GPR155: variants seen among roughly 807,000 people sequenced by gnomAD.
The protein encoded by GPR155 is G protein-coupled receptor 155, also known as lysosomal cholesterol signaling protein.
A neutral mutation model predicts 93.1 loss-of-function variants in GPR155; 65 were observed. The observed-to-expected ratio is 0.70, with a 90% CI of 0.57 to 0.86. The LOEUF is 0.86. Ranked by LOEUF, GPR155 falls within the 40% of genes least tolerant of loss-of-function variation. The probability of loss-of-function intolerance (pLI) is 0.00; values close to 1 mark genes in which losing one functional copy is unlikely to be tolerated. For missense variants in GPR155, 838 were observed against 1,034.8 expected, an observed-to-expected ratio of 0.81 and a Z score of 2.61; for synonymous variants, 319 against 360.1, an observed-to-expected ratio of 0.89 and a Z score of 1.29.
At chr2:174,455,701 ACAG>A (rs1687496189) in intron 10 of GPR155, among the ~76,000 whole-genome samples, 1 of 152,194 alleles carries the variant, frequency 6.6e-6, no homozygotes, top group Non-Finnish European at 1.5e-5. Flanking sequence ...TCAAGGGGAA[ACAG>A]CAGAGATGTT....
At chr2:174,464,139 G>A (rs866625789) in intron 7 of GPR155, among the ~76,000 whole-genome samples, 3 of 152,196 alleles carry the variant, frequency 2.0e-5, no homozygotes, top group Admixed American at 6.5e-5. Context: ...GAGAGCTCCT[G>A]CCTAAATCAG....
At chr2:174,448,433 T>C (rs1366037450) in intron 11 of GPR155, among the ~76,000 whole-genome samples, 2 of 151,920 alleles carry the variant, frequency 1.3e-5, no homozygotes, top group African/African-American at 2.4e-5. Context: ...GAAACACCAT[T>C]CTGGACATCG....
intron 2 of GPR155, 36 bp from the exon 3 acceptor site, chr2:174,473,400 C>T (rs1440220274): frequency 7.8e-7 from 1 of 1,287,590 alleles, no homozygotes; most frequent in Admixed American, 2.2e-5. Context: ...AAATGATGAC[C>T]ACAGAAATAC....
At chr2:174,455,269 C>T (rs2105698295) in intron 10 of GPR155, among the ~76,000 whole-genome samples, 1 of 152,266 alleles carries the variant, frequency 6.6e-6, no homozygotes, top group East Asian at 1.9e-4. Flanking sequence ...GTTTTAAAGG[C>T]CCTGAAGAGA....
chr2:174,435,898 T>C lies in GPR155; in HGVS notation c.*218A>G. The C allele has an allele frequency of 1.9e-6, 1 of 518,674 alleles. No individual in the cohort carries two copies. Among genetic ancestry groups the C allele is most frequent in the Non-Finnish European group, 3.4e-6 (1 of 292,514 alleles). 32.1% of individuals were successfully genotyped at this position (518,674 alleles called of 1,614,324 possible). A position where few individuals can be genotyped will look rare whatever the true frequency, so the allele number is the denominator to read the frequency against. The stretch of plus-strand genomic sequence containing the variant: ...ATTCATTATCAGAACTTTAATTTGG[T>C]TTTCTCTTTTTCCTAAGTCAGCTTC... On this transcript the variant is annotated 3_prime_UTR_variant, in exon 16 of 16. Coordinates refer to ENST00000392552, the MANE Select transcript of GPR155 (RefSeq NM_152529.7).
chr2:174,445,511 A>G (rs1365238493), intron 12 of GPR155: 1 of 169,006 alleles, frequency 5.9e-6, no homozygotes, highest in Non-Finnish European at 1.3e-5. Context: ...AAACAATTAC[A>G]TCACTAAGCA....
chr2:174,473,338 G>C lies in GPR155; in HGVS notation c.487C>G (p.Pro163Ala). 1 of 1,590,248 alleles carries C rather than the reference G, an allele frequency of 6.3e-7. No individual in the cohort carries two copies. The highest frequency in any genetic ancestry group is 8.6e-7 in the Non-Finnish European group (1 of 1,169,588). ...IVEALYQTTYPEYLQYIYLVA... is the reference protein window; with the variant it reads ...IVEALYQTTYAEYLQYIYLVA... ...AAATAAATGTACTGGAGATATTCTG[G>C]GTATGTAGTTTGATATAAAGCTTCA... The change falls in exon 3 of 16, where the codon CCA becomes GCA. Residue 163 changes from proline to alanine, a missense_variant. Transcript: ENST00000392552.
At chr2:174,485,621 T>C in intron 1 of GPR155, among the ~76,000 whole-genome samples, 1 of 145,890 alleles carries the variant, frequency 6.9e-6, no homozygotes, top group South Asian at 2.2e-4. Flanking sequence ...AAAAAAGCAA[T>C]CTGCCCCTCC....
At chr2:174,462,542 C>T (rs1407682332) in intron 7 of GPR155, among the ~76,000 whole-genome samples, 1 of 152,214 alleles carries the variant, frequency 6.6e-6, no homozygotes, top group Non-Finnish European at 1.5e-5. Flanking sequence ...CTGCTGGCCT[C>T]AAGTGATCCA....
rs1468972571 is a variant in GPR155 at position 174,470,398 on chromosome 2, C to A, written c.1018G>T (p.Val340Leu). The A allele has an allele frequency of 6.2e-7, 1 of 1,611,980 alleles. No homozygotes were observed. The change falls in exon 4 of 16, where the codon GTA (valine) becomes TTA (leucine). Residue 340 changes from valine (V) to leucine (L), a missense_variant. Val to Leu is a conservative substitution (Grantham distance 32). Coordinates refer to ENST00000392552, the MANE Select transcript of GPR155 (RefSeq NM_152529.7). ...AIFATQFNME[V>L]EIITSGMVIS... ...AAGTACTATATACATACAATTTCTA[C>A]TTCCATGTTGAATTGTGTTGCAAAG...
chr2:174,436,434 T>G lies in GPR155; in HGVS notation c.2313-18A>C. Reference sequence around the variant, plus strand: ...CACCACACCTGTGTCAAAGGAATGATTCACCCATATTTTCTGTAAATCTGG... The same window carrying G: ...CACCACACCTGTGTCAAAGGAATGAGTCACCCATATTTTCTGTAAATCTGG... On this transcript the variant is annotated intron_variant, in intron 15 of 15. Transcript: ENST00000392552. 1 of 1,611,678 alleles carries G rather than the reference T, an allele frequency of 6.2e-7. No individual in the cohort carries two copies. The highest frequency in any genetic ancestry group is 8.5e-7 in the Non-Finnish European group (1 of 1,178,296).
intron 3 of GPR155, among the ~76,000 whole-genome samples, chr2:174,472,377 G>A (rs1255253871): frequency 2.0e-5 from 3 of 152,182 alleles, no homozygotes; most frequent in African/African-American, 7.2e-5. Flanking sequence ...CTGCACTCCA[G>A]TCTAGTTGAC....
At chr2:174,474,801 C>A (rs1688095749) in intron 2 of GPR155, among the ~76,000 whole-genome samples, 1 of 151,942 alleles carries the variant, frequency 6.6e-6, no homozygotes, top group Non-Finnish European at 1.5e-5. Context: ...GGGTTGGTGA[C>A]CTAGTCTTTA....
chr2:174,451,533 G>C (rs1687321282), intron 11 of GPR155, among the ~76,000 whole-genome samples: 1 of 152,050 alleles, frequency 6.6e-6, no homozygotes, highest in Non-Finnish European at 1.5e-5. Context: ...TTTAGGCTTA[G>C]GGATGGCACT....
At chr2:174,455,916 C>T (rs556496078) in intron 10 of GPR155, among the ~76,000 whole-genome samples, 1 of 152,250 alleles carries the variant, frequency 6.6e-6, no homozygotes, top group South Asian at 2.1e-4. Context: ...TCTTGGCTCA[C>T]TGCAACCTCT....
intron 3 of GPR155, among the ~76,000 whole-genome samples, chr2:174,471,872 T>A (rs1688008684): frequency 6.6e-6 from 1 of 152,232 alleles, no homozygotes; most frequent in Admixed American, 6.5e-5. Flanking sequence ...TAATACTTTG[T>A]TTCTGAAGAG....
intron 11 of GPR155, among the ~76,000 whole-genome samples, chr2:174,448,032 CCT>C (rs903498181): frequency 4.6e-5 from 7 of 151,894 alleles, no homozygotes; most frequent in Non-Finnish European, 8.8e-5. Flanking sequence ...TGCCTTAACC[CCT>C]GCCTTTCACC....
At chr2:174,482,390 T>C (rs1327145268) in intron 1 of GPR155, among the ~76,000 whole-genome samples, 2 of 152,184 alleles carry the variant, frequency 1.3e-5, no homozygotes, top group Non-Finnish European at 2.9e-5. Context: ...TAGTCTCCGC[T>C]GAATGTCCCC....
chr2:174,482,669 G>A (rs974819572), intron 1 of GPR155, among the ~76,000 whole-genome samples: 7 of 152,084 alleles, frequency 4.6e-5, no homozygotes, highest in Non-Finnish European at 8.8e-5. Context: ...GTGCCACCAC[G>A]CCCGGCTAAT....
Sources: allele counts gnomAD v4.1 joint callset (sites outside exome capture counted in the v4.1 genomes callset), GRCh38; gene constraint gnomAD v4.1.1; transcripts MANE v1.5; gene names NCBI Gene and HGNC (gene_info 2026-07-23, HGNC 2026-07-21).